The following USP13 variants were observed in gnomAD, a reference collection of about 807,000 sequenced individuals.
USP13 encodes ubiquitin specific peptidase 13, also known as ubiquitin carboxyl-terminal hydrolase 13.
A neutral mutation model predicts 107.8 loss-of-function variants in USP13; 68 were observed. The ratio of observed to expected loss-of-function variants is 0.63; its 90% CI spans 0.52 to 0.77. The LOEUF is 0.77. Ranked by LOEUF, USP13 falls within the 30% of genes least tolerant of loss-of-function variation. The probability of loss-of-function intolerance (pLI) is 0.00; values close to 1 mark genes in which losing one functional copy is unlikely to be tolerated. For synonymous variants in USP13, 377 were observed against 389.5 expected, an observed-to-expected ratio of 0.97 and a Z score of 0.38; for missense variants, 945 against 1,093.3, an observed-to-expected ratio of 0.86 and a Z score of 1.91.
chr3:179,749,212 G>T (rs965693812), intron 13 of USP13, among the ~76,000 whole-genome samples: 3 of 152,040 alleles, frequency 2.0e-5, no homozygotes, highest in Non-Finnish European at 2.9e-5. Context: ...CCTTAATTGT[G>T]ATTTAGTGAA....
intron 10 of USP13, among the ~76,000 whole-genome samples, chr3:179,738,940 T>C (rs1402209195): frequency 6.6e-6 from 1 of 152,196 alleles, no homozygotes; most frequent in Non-Finnish European, 1.5e-5. Flanking sequence ...GGATTGGAGA[T>C]TAGAGAAGTA....
intron 1 of USP13, among the ~76,000 whole-genome samples, chr3:179,666,363 A>C (rs767484495): frequency 2.2e-4 from 33 of 152,182 alleles, no homozygotes; most frequent in Non-Finnish European, 4.3e-4. Flanking sequence ...TCTGCCATTG[A>C]GTGTCCAGCC....
At chr3:179,706,241 A>G (rs902304245) in intron 4 of USP13, among the ~76,000 whole-genome samples, 1 of 152,250 alleles carries the variant, frequency 6.6e-6, no homozygotes, top group Non-Finnish European at 1.5e-5. Flanking sequence ...AAAGATAGCT[A>G]GAAATAGCTT....
rs1474372144 is a variant in USP13 at position 179,733,542 on chromosome 3, G to T, written c.1254+2833G>T. On this transcript the variant is annotated intron_variant, in intron 10 of 20. Transcript: ENST00000263966. The stretch of plus-strand genomic sequence containing the variant: ...TTTGTGAGACTCTTTCCTTTTCTCA[G>T]TTATCAGAAGCCCTTTGGAAGGATG... Among the ~76,000 whole-genome samples, 3 of 152,162 alleles carry T rather than the reference G, an allele frequency of 2.0e-5. No homozygotes were observed. In the East Asian group the frequency reaches 5.8e-4, roughly 29 times the overall value.
chr3:179,757,774 T>G (rs573661270), intron 16 of USP13, among the ~76,000 whole-genome samples: 1 of 152,228 alleles, frequency 6.6e-6, no homozygotes, highest in African/African-American at 2.4e-5. Flanking sequence ...TGATTGATCA[T>G]GTAGCTTAGA....
Position 179,682,011 on chromosome 3 carries a change from C to T in USP13, c.294+8C>T, listed in dbSNP as rs139109406. On this transcript the variant is annotated splice_region_variant and intron_variant, in intron 2 of 20. Coordinates refer to ENST00000263966, the MANE Select transcript of USP13 (RefSeq NM_003940.3). ...AAAAGACATGTGCGAGAGGTGAGAGCGGCACTTTCAGAGAACTGGCCTTGA... is the reference window on the plus strand; with the variant it reads ...AAAAGACATGTGCGAGAGGTGAGAGTGGCACTTTCAGAGAACTGGCCTTGA... The T allele has an allele frequency of 1.1e-3, 1,809 of 1,609,156 alleles. 16 individuals carry two copies. In the African/African-American group the frequency reaches 0.021, roughly 19 times the overall value.
In USP13 at chr3:179,765,727, C is replaced by G; in HGVS notation, c.2292C>G (p.Ile764Met). 6.2e-7 allele frequency: 1 copy of G among 1,614,142 alleles called. No homozygotes were observed. Among genetic ancestry groups the G allele is most frequent in the Non-Finnish European group, 8.5e-7 (1 of 1,179,994 alleles). Residue 764 changes from isoleucine (I) to methionine (M), a missense_variant, in exon 19 of 21, where the codon ATC (isoleucine) becomes ATG (methionine). Coordinates refer to ENST00000263966, the MANE Select transcript of USP13 (RefSeq NM_003940.3). ...ACCTGGAAAGAGCACTGGATTGGATCTTTAGCCACCCTGAGTTTGAAGAAG... is the reference window on the plus strand; with the variant it reads ...ACCTGGAAAGAGCACTGGATTGGATGTTTAGCCACCCTGAGTTTGAAGAAG... ...NNNLERALDW[I>M]FSHPEFEEDS... is the part of the protein sequence containing the mutation.
Position 179,742,336 on chromosome 3 carries a change from C to T in USP13, c.1520C>T (p.Ala507Val), listed in dbSNP as rs201920993. The change falls in exon 12 of 21, where the codon GCG becomes GTG. Residue 507 changes from alanine to valine, a missense_variant. Transcript: ENST00000263966. The surrounding 1 kb of genome is among the most constrained non-coding windows in gnomAD (Gnocchi z 5.0). ...YLMQLPVAME[A>V]ATNKDELIAY... ...ATGCAGTTACCTGTGGCCATGGAGG[C>T]GGCAACCAACAAGGGTAACAATTCC... 2.7e-5 allele frequency: 44 copies of T among 1,614,132 alleles called. No homozygotes were observed. Among genetic ancestry groups the T allele is most frequent in the Admixed American group, 6.7e-5 (4 of 60,012 alleles).
chr3:179,693,577 A>C (rs1399738954), intron 3 of USP13, among the ~76,000 whole-genome samples: 1 of 152,204 alleles, frequency 6.6e-6, no homozygotes, highest in Non-Finnish European at 1.5e-5. Flanking sequence ...GCCCTGAGTT[A>C]ATGTGACCTA....
At chr3:179,658,385 C>A (rs936249259) in intron 1 of USP13, among the ~76,000 whole-genome samples, 6 of 152,184 alleles carry the variant, frequency 3.9e-5, no homozygotes, top group African/African-American at 1.4e-4. Context: ...TGTGTCATGC[C>A]GCACAGCGGT....
At chr3:179,731,710 T>C (rs1473784932) in intron 10 of USP13, among the ~76,000 whole-genome samples, 1 of 152,208 alleles carries the variant, frequency 6.6e-6, no homozygotes, top group Non-Finnish European at 1.5e-5. Flanking sequence ...GCCCTTGGAA[T>C]TGTGTAGTGC....
chr3:179,660,712 A>G (rs561793195), intron 1 of USP13, among the ~76,000 whole-genome samples: 1 of 152,360 alleles, frequency 6.6e-6, no homozygotes, highest in Admixed American at 6.5e-5. Context: ...GGAGAAAAAA[A>G]AGTTAATTTA....
chr3:179,694,692 T>G (rs1281002452), intron 3 of USP13, among the ~76,000 whole-genome samples: 2 of 151,298 alleles, frequency 1.3e-5, no homozygotes, highest in African/African-American at 2.4e-5. Context: ...TCCCAGCTAT[T>G]TGTGAGGCTG....
intron 1 of USP13, among the ~76,000 whole-genome samples, chr3:179,671,735 AT>A (rs1477305114): frequency 6.6e-6 from 1 of 151,438 alleles, no homozygotes; most frequent in Non-Finnish European, 1.5e-5. Flanking sequence ...CATTTGGTTA[AT>A]TTTTTTTTCC....
intron 6 of USP13, among the ~76,000 whole-genome samples, chr3:179,716,317 ACTT>A (rs1307443703): frequency 2.6e-5 from 4 of 152,076 alleles, no homozygotes; most frequent in Non-Finnish European, 5.9e-5. Flanking sequence ...GAGAATTTGG[ACTT>A]CTGCCATTTT....
intron 18 of USP13, among the ~76,000 whole-genome samples, chr3:179,764,581 G>A (rs538821377): frequency 6.6e-6 from 1 of 152,164 alleles, no homozygotes; most frequent in Admixed American, 6.5e-5. Flanking sequence ...TCTCTTAAAA[G>A]TCCTCATAGA....
chr3:179,708,680 G>A (rs1295509878), intron 5 of USP13, 93 bp from the exon 6 acceptor site: 1 of 1,467,242 alleles, frequency 6.8e-7, no homozygotes, highest in Non-Finnish European at 9.3e-7. Flanking sequence ...AGCCTTTGTT[G>A]TGACCTGCCT....
intron 4 of USP13, among the ~76,000 whole-genome samples, chr3:179,704,851 C>T (rs571913829): frequency 6.6e-6 from 1 of 152,290 alleles, no homozygotes; most frequent in Admixed American, 6.5e-5. Flanking sequence ...CCTCCTTGTT[C>T]CTGACTGTGA....
intron 10 of USP13, among the ~76,000 whole-genome samples, chr3:179,731,652 T>C (rs1158720993): frequency 6.6e-6 from 1 of 152,206 alleles, no homozygotes; most frequent in Non-Finnish European, 1.5e-5. Flanking sequence ...TGCTGCTTGT[T>C]GTACAACTCC....
Sources: allele counts gnomAD v4.1 joint callset (sites outside exome capture counted in the v4.1 genomes callset), GRCh38; gene constraint gnomAD v4.1.1; non-coding constraint Gnocchi (gnomAD v3.1); transcripts MANE v1.5; gene names NCBI Gene and HGNC (gene_info 2026-07-23, HGNC 2026-07-21).